MAP3K13: variants seen among roughly 807,000 people sequenced by gnomAD.
MAP3K13 encodes the protein mitogen-activated protein kinase kinase kinase 13, also known as leucine zipper-bearing kinase.
In MAP3K13, 52 loss-of-function variants were observed where a neutral mutation model predicts 104.0. The observed-to-expected ratio is 0.50, with a 90% CI of 0.40 to 0.63. MAP3K13 has a LOEUF of 0.63. MAP3K13 is among the 20% of genes least tolerant of loss of function. The pLI, the probability that MAP3K13 is intolerant of heterozygous loss-of-function variation, is 0.00. For synonymous variants in MAP3K13, 394 were observed against 442.2 expected, an observed-to-expected ratio of 0.89 and a Z score of 1.37; for missense variants, 914 against 1,218.5, an observed-to-expected ratio of 0.75 and a Z score of 3.72.
At chr3:185,327,331 C>T (rs756045180) in intron 2 of MAP3K13, among the ~76,000 whole-genome samples, 4 of 152,186 alleles carry the variant, frequency 2.6e-5, no homozygotes, top group Non-Finnish European at 5.9e-5. Context: ...AGTCCTTAAA[C>T]GTTAATCACA....
intron 2 of MAP3K13, among the ~76,000 whole-genome samples, chr3:185,335,860 T>C (rs1044288477): frequency 2.0e-5 from 3 of 152,180 alleles, no homozygotes; most frequent in African/African-American, 7.2e-5. Flanking sequence ...CTGTACTGGC[T>C]TGGCCTGCTC....
intron 2 of MAP3K13, among the ~76,000 whole-genome samples, chr3:185,341,285 G>A (rs1271416745): frequency 2.0e-5 from 3 of 152,056 alleles, no homozygotes; most frequent in Non-Finnish European, 1.5e-5. Context: ...ATAGAGAAGA[G>A]GACCATGTAA....
At chr3:185,327,002 C>T (rs9856866) in intron 2 of MAP3K13, among the ~76,000 whole-genome samples, 103,847 of 152,016 alleles carry the variant, frequency 0.68, 36,850 homozygotes, top group Non-Finnish European at 0.78. Context: ...AACAAATTAT[C>T]AAAAACTTTG....
chr3:185,478,904 A>G lies in MAP3K13; in HGVS notation c.2502-1328A>G, dbSNP rs143638489. 3.9e-5 allele frequency among the ~76,000 whole-genome samples: 6 copies of G among 152,142 alleles called. No individual in the cohort carries two copies. In the East Asian group the frequency reaches 1.2e-3, roughly 29 times the overall value. On this transcript the variant is annotated intron_variant, in intron 12 of 13. Coordinates refer to ENST00000265026, the MANE Select transcript of MAP3K13 (RefSeq NM_004721.5). ...AAAAAAGAAAAAAACAAAACAAAACAAAACTCTTTAGACTAAGAAATACAG... is the reference window on the plus strand; with the variant it reads ...AAAAAAGAAAAAAACAAAACAAAACGAAACTCTTTAGACTAAGAAATACAG...
intron 1 of MAP3K13, among the ~76,000 whole-genome samples, chr3:185,372,292 T>A: frequency 6.6e-6 from 1 of 152,188 alleles, no homozygotes; most frequent in East Asian, 1.9e-4. Context: ...TTTTACGACT[T>A]TGCCAGGTTC....
chr3:185,355,167 G>A (rs1328016651), intron 2 of MAP3K13, among the ~76,000 whole-genome samples: 1 of 152,156 alleles, frequency 6.6e-6, no homozygotes, highest in East Asian at 1.9e-4. Flanking sequence ...CCAAAAGAGT[G>A]TAATATAATG....
chr3:185,355,710 G>T (rs1723325323), intron 2 of MAP3K13, among the ~76,000 whole-genome samples: 1 of 151,752 alleles, frequency 6.6e-6, no homozygotes, highest in Non-Finnish European at 1.5e-5. Flanking sequence ...AAAAAGGATA[G>T]GTCACAGGAA....
chr3:185,412,490 A>C (rs1280940408), intron 1 of MAP3K13, among the ~76,000 whole-genome samples: 3 of 152,102 alleles, frequency 2.0e-5, no homozygotes, highest in Non-Finnish European at 4.4e-5. Flanking sequence ...TATGGATTAC[A>C]CTCTAGCACA....
At chr3:185,346,815 G>T (rs940590513) in intron 2 of MAP3K13, among the ~76,000 whole-genome samples, 1 of 151,986 alleles carries the variant, frequency 6.6e-6, no homozygotes, top group Non-Finnish European at 1.5e-5. Context: ...TTTCCAAAGG[G>T]TGCAAGATTT....
intron 7 of MAP3K13, among the ~76,000 whole-genome samples, chr3:185,455,694 T>TATATATATG (rs1716622441): frequency 5.1e-5 from 1 of 19,726 alleles, no homozygotes; most frequent in African/African-American, 1.1e-4. Flanking sequence ...ATATATATGA[T>TATATATATG]ATATATATGA....
intron 2 of MAP3K13, among the ~76,000 whole-genome samples, chr3:185,352,079 T>G (rs1723157963): frequency 6.6e-6 from 1 of 152,178 alleles, no homozygotes; most frequent in Admixed American, 6.5e-5. Context: ...CTTAGTCATG[T>G]GGTCACGTGT....
At chr3:185,384,372 G>C (rs936374563) in intron 1 of MAP3K13, among the ~76,000 whole-genome samples, 1 of 150,424 alleles carries the variant, frequency 6.6e-6, no homozygotes, top group African/African-American at 2.5e-5. Flanking sequence ...AACCATTGAT[G>C]AATACTTGAG....
At chr3:185,342,758 G>A (rs972387862) in intron 2 of MAP3K13, among the ~76,000 whole-genome samples, 7 of 152,114 alleles carry the variant, frequency 4.6e-5, no homozygotes, top group African/African-American at 9.7e-5. Context: ...CTCTTACTGC[G>A]TAACAATATA....
At chr3:185,308,606 G>A (rs910937520) in intron 2 of MAP3K13, among the ~76,000 whole-genome samples, 2 of 152,190 alleles carry the variant, frequency 1.3e-5, no homozygotes, top group African/African-American at 4.8e-5. Flanking sequence ...GCAGTTAGCT[G>A]CTGAACTCTC....
rs112678599 is a variant in MAP3K13, at chr3:185,292,212, G to T, written c.-86+6569G>T. On this transcript the variant is annotated intron_variant, in intron 2 of 14. Coordinates refer to the MAP3K13 transcript ENST00000424227. ...CCCAGCTACTCGAGAGACTGAGGCA[G>T]GAGAATCACTTGAAACCAGGAGGCG... is the stretch of plus-strand genomic sequence containing the variant. The T allele has an allele frequency of 5.6e-3, 878 of 157,024 alleles. 5 individuals carry two copies. The highest frequency in any genetic ancestry group is 0.015 in the African/African-American group (625 of 41,604). The allele number at this position is 157,024 out of a possible 1,614,324, so 9.7% of individuals were successfully genotyped here.
At chr3:185,480,962 A>G (rs1718413642) in intron 13 of MAP3K13, among the ~76,000 whole-genome samples, 1 of 152,162 alleles carries the variant, frequency 6.6e-6, no homozygotes, top group Non-Finnish European at 1.5e-5. Context: ...CTCCCCCAAC[A>G]TTGGGAATTG....
Position 185,473,428 on chromosome 3 carries a change from C to T in MAP3K13, c.2097C>T (p.Ile699=). ...TGCCCGGCTCGAGCCCTGACCTCAT[C>T]TCCACAGCCATGGCTGCAGACTGCT... The part of the protein sequence containing the change: ...RQLPGSSPDL[I]STAMAADCWR... Residue 699 remains isoleucine, a synonymous_variant, in exon 11 of 14, where the codon ATC becomes ATT. Coordinates refer to ENST00000265026, the MANE Select transcript of MAP3K13 (RefSeq NM_004721.5). This position sits in a 1 kb window ranked among gnomAD's most constrained non-coding sequence, Gnocchi z 4.9. 6.2e-7 allele frequency: 1 copy of T among 1,614,252 alleles called. No homozygotes were observed. Among genetic ancestry groups the T allele is most frequent in the Non-Finnish European group, 8.5e-7 (1 of 1,180,042 alleles).
rs3796201 is a variant in MAP3K13, at chr3:185,418,147, T to C, written c.-85-10350T>C. 0.18 allele frequency: 294,831 copies of C among 1,607,116 alleles called. 30,130 individuals carry two copies. The highest frequency in any genetic ancestry group is 0.38 in the African/African-American group (28,342 of 74,722). ...CTTGATGATACCATTATCCTCATTA[T>C]AGATGATGCACAGGCCCCTGCGCTG... On this transcript the variant is annotated intron_variant, in intron 1 of 13. Transcript: ENST00000265026. This position sits in a 1 kb window ranked among gnomAD's most constrained non-coding sequence, Gnocchi z 4.5.
chr3:185,302,373 A>G (rs1478656841), intron 2 of MAP3K13, among the ~76,000 whole-genome samples: 1 of 152,198 alleles, frequency 6.6e-6, no homozygotes, highest in African/African-American at 2.4e-5. Context: ...AGATCCCACT[A>G]CTGCACTCCA....
Sources: allele counts gnomAD v4.1 joint callset (sites outside exome capture counted in the v4.1 genomes callset), GRCh38; gene constraint gnomAD v4.1.1; non-coding constraint Gnocchi (gnomAD v3.1); transcripts MANE v1.5; gene names NCBI Gene and HGNC (gene_info 2026-07-23, HGNC 2026-07-21).